The following PGM1 variants were observed in gnomAD, a reference collection of about 807,000 sequenced individuals.
The protein encoded by PGM1 is phosphoglucomutase-1.
PGM1 carries 52 observed loss-of-function variants against 55.6 expected under a neutral mutation model. The observed-to-expected ratio is 0.94, with a 90% CI of 0.75 to 1.18. PGM1 has a LOEUF of 1.18. PGM1 is among the 50% of genes most tolerant of loss of function. The pLI is 0.00. For synonymous variants in PGM1, 287 were observed against 271.7 expected, an observed-to-expected ratio of 1.06 and a Z score of -0.55; for missense variants, 724 against 729.3, an observed-to-expected ratio of 0.99 and a Z score of 0.08.
At position 63,634,910 on chromosome 1, in the gene PGM1, A is replaced by T; in HGVS notation, c.764A>T (p.Glu255Val). 1 of 1,613,774 alleles carries T rather than the reference A, an allele frequency of 6.2e-7. No homozygotes were observed. Among genetic ancestry groups the T allele is most frequent in the Non-Finnish European group, 8.5e-7 (1 of 1,179,910 alleles). ...ANSAVNCVPL[E>V]DFGGHHPDPN... ...TCGGCAGTTAACTGCGTTCCTCTGG[A>T]GGACTTTGGAGGCCACCACCCTGAC... is the stretch of plus-strand genomic sequence containing the variant. The change falls in exon 5 of 11, where the codon GAG (glutamate) becomes GTG (valine). Residue 255 changes from glutamate (E) to valine (V), a missense_variant. Around this residue, in one of 3 missense-constraint regions of PGM1, gnomAD observed 379 missense variants for 357.5 expected, o/e 1.06. Transcript: ENST00000371084.
intron 1 of PGM1, 50 bp from the exon 2 acceptor site, chr1:63,629,375 A>G: frequency 6.6e-7 from 1 of 1,515,074 alleles, no homozygotes; most frequent in Non-Finnish European, 9.2e-7. Context: ...CTGAGCGGTG[A>G]CTCTGGATGT....
At chr1:63,648,717 A>T (rs1649724433) in intron 8 of PGM1, 65 bp downstream of exon 8, 1 of 1,540,360 alleles carries the variant, frequency 6.5e-7, no homozygotes, top group Non-Finnish European at 8.9e-7. Flanking sequence ...ATTCTTGCGC[A>T]TCCACAGCCT....
chr1:63,655,689 G>A (rs531579381), intron 10 of PGM1: 1 of 152,316 alleles, frequency 6.6e-6, no homozygotes, highest in Admixed American at 6.5e-5. Context: ...AAGTGTTGTG[G>A]TATATTAGCC....
At position 63,629,539 on chromosome 1, in the gene PGM1, G is replaced by A. The variant is rs398122912; in HGVS notation, c.361G>A (p.Gly121Arg). 1 of 1,613,600 alleles carries A rather than the reference G, an allele frequency of 6.2e-7. No homozygotes were observed. Among genetic ancestry groups the A allele is most frequent in the South Asian group, 1.1e-5 (1 of 91,056 alleles). ...CATTCTGACAGCCAGTCACAACCCAGGGGGCCCCAATGGAGATTTTGGAAT... is the reference window on the plus strand; with the variant it reads ...CATTCTGACAGCCAGTCACAACCCAAGGGGCCCCAATGGAGATTTTGGAAT... Reference protein sequence around the residue: ...GIILTASHNPGGPNGDFGIKF... With the variant: ...GIILTASHNPRGPNGDFGIKF... The change falls in exon 2 of 11, where the codon GGG becomes AGG. Residue 121 changes from glycine (G) to arginine (R), a missense_variant. This residue lies in a region of PGM1 where 379 missense variants were observed against 357.5 expected (regional missense o/e 1.06). Coordinates refer to ENST00000371084, the MANE Select transcript of PGM1 (RefSeq NM_002633.3).
chr1:63,652,438 C>G (rs925570290), intron 9 of PGM1, among the ~76,000 whole-genome samples: 1 of 152,176 alleles, frequency 6.6e-6, no homozygotes, highest in Non-Finnish European at 1.5e-5. Flanking sequence ...TGGAGCATCT[C>G]TAGATGTGGA....
rs549059285 is a variant in PGM1, at chr1:63,608,148, G to A, written c.246+14414G>A. On this transcript the variant is annotated intron_variant, in intron 1 of 10. Transcript: ENST00000371084. ...TAATTGAGATGAATGTACTCAACTG[G>A]CATAACTGTTTAAAGGGAGTTACTG... 5.9e-5 allele frequency among the ~76,000 whole-genome samples: 9 copies of A among 151,572 alleles called. No homozygotes were observed. In the East Asian group the frequency reaches 1.7e-3, roughly 29 times the overall value.
At chr1:63,621,253 T>C (rs746954591) in intron 1 of PGM1, among the ~76,000 whole-genome samples, 5 of 151,960 alleles carry the variant, frequency 3.3e-5, no homozygotes, top group Non-Finnish European at 5.9e-5. Flanking sequence ...CAGAAAGAAC[T>C]TCACCGAGAG....
Position 63,593,513 on chromosome 1 carries a change from A to T in PGM1, c.25A>T (p.Thr9Ser). MVKIVTVK[T>S]QAYQDQKPGT... The stretch of plus-strand genomic sequence containing the variant: ...CATGGTGAAGATCGTGACAGTTAAG[A>T]CCCAGGCGTACCAGGACCAGAAGCC... Residue 9 changes from threonine (T) to serine (S), a missense_variant, in exon 1 of 11, where the codon ACC becomes TCC. Thr to Ser is a moderately conservative substitution (Grantham distance 58, BLOSUM62 1). This residue lies in a region of PGM1 where 379 missense variants were observed against 357.5 expected (regional missense o/e 1.06). Coordinates refer to ENST00000371084, the MANE Select transcript of PGM1 (RefSeq NM_002633.3). 1 of 1,613,738 alleles carries T rather than the reference A, an allele frequency of 6.2e-7. No homozygotes were observed. The highest frequency in any genetic ancestry group is 8.5e-7 in the Non-Finnish European group (1 of 1,179,896).
In PGM1 at chr1:63,629,942, G is replaced by T; in HGVS notation, c.410G>T (p.Gly137Val). 1 of 1,613,994 alleles carries T rather than the reference G, an allele frequency of 6.2e-7. No individual in the cohort carries two copies. Among genetic ancestry groups the T allele is most frequent in the Non-Finnish European group, 8.5e-7 (1 of 1,179,924 alleles). ...FGIKFNISNGGPAPEAITDKI... is the reference protein window; with the variant it reads ...FGIKFNISNGVPAPEAITDKI... ...CCACTGTTTGCTGTTTGGTTTCCAG[G>T]TCCTGCTCCAGAAGCAATAACTGAT... Residue 137 changes from glycine to valine, a missense_variant and splice_region_variant, in exon 3 of 11, where the codon GGT becomes GTT. By Grantham distance (109) the Gly-to-Val change is moderately radical (BLOSUM62 -3). Around this residue, in one of 3 missense-constraint regions of PGM1, gnomAD observed 379 missense variants for 357.5 expected, o/e 1.06. Transcript: ENST00000371084.
chr1:63,658,752 CAA>C (rs35160588), intron 10 of PGM1, among the ~76,000 whole-genome samples: 158 of 119,472 alleles, frequency 1.3e-3, no homozygotes, highest in African/African-American at 2.1e-3. Flanking sequence ...AACTCCATCT[CAA>C]AAAAAAAAAA....
intron 4 of PGM1, among the ~76,000 whole-genome samples, chr1:63,633,918 G>GTGTGTA (rs1407304546): frequency 4.9e-4 from 13 of 26,756 alleles, no homozygotes; most frequent in Non-Finnish European, 7.1e-4. Context: ...GTGTGTGTGT[G>GTGTGTA]TATATATATA....
rs775453982 is a variant in PGM1, at chr1:63,659,600, C to T, written c.1614C>T (p.Pro538=). 53 of 1,613,698 alleles carry T rather than the reference C, an allele frequency of 3.3e-5. No homozygotes were observed. The Middle Eastern group carries it at 8.2e-4, about 25-fold the overall frequency. ...INQDPQVMLA[P]LISIALKVSQ... ...GTCTTCCTCAGGTCATGTTGGCCCC[C>T]CTTATTTCCATTGCTCTGAAAGTGT... is the stretch of plus-strand genomic sequence containing the variant. Residue 538 remains proline, a synonymous_variant, in exon 11 of 11, where the codon CCC becomes CCT. Coordinates refer to ENST00000371084, the MANE Select transcript of PGM1 (RefSeq NM_002633.3).
At chr1:63,606,619 A>G (rs1302671528) in intron 1 of PGM1, among the ~76,000 whole-genome samples, 1 of 152,194 alleles carries the variant, frequency 6.6e-6, no homozygotes, top group Non-Finnish European at 1.5e-5. Flanking sequence ...CGCATTAATC[A>G]AAACTTAGCT....
chr1:63,629,691 G>GGGGTA (rs1649141666), intron 2 of PGM1, 104 bp downstream of exon 2: 1 of 1,157,132 alleles, frequency 8.6e-7, no homozygotes, highest in Admixed American at 1.8e-5. Flanking sequence ...TCCTTTGCAG[G>GGGGTA]GGGTAGGGAG....
chr1:63,613,762 T>C (rs1648632589), intron 1 of PGM1, among the ~76,000 whole-genome samples: 1 of 150,394 alleles, frequency 6.6e-6, no homozygotes, highest in Non-Finnish European at 1.5e-5. Flanking sequence ...CCATGACATC[T>C]ATACTCTGTC....
At chr1:63,654,847 C>G (rs1649917112) in intron 10 of PGM1, among the ~76,000 whole-genome samples, 3 of 152,042 alleles carry the variant, frequency 2.0e-5, no homozygotes. Context: ...AAAATATACT[C>G]ATTTAATTCT....
At chr1:63,616,645 T>C (rs988426730) in intron 1 of PGM1, among the ~76,000 whole-genome samples, 1 of 152,128 alleles carries the variant, frequency 6.6e-6, no homozygotes, top group African/African-American at 2.4e-5. Flanking sequence ...GATGGATGGG[T>C]GAACAGATGG....
intron 1 of PGM1, among the ~76,000 whole-genome samples, chr1:63,622,690 G>C (rs1427237946): frequency 1.3e-5 from 2 of 152,150 alleles, no homozygotes; most frequent in African/African-American, 4.8e-5. Context: ...TGGTTATTCA[G>C]GGCAACTTTG....
At chr1:63,611,809 A>G (rs926452608) in intron 1 of PGM1, among the ~76,000 whole-genome samples, 4 of 152,156 alleles carry the variant, frequency 2.6e-5, no homozygotes, top group Non-Finnish European at 5.9e-5. Context: ...AGGCTGAGGC[A>G]GGAGAATCGC....
Sources: allele counts gnomAD v4.1 joint callset (sites outside exome capture counted in the v4.1 genomes callset), GRCh38; gene constraint gnomAD v4.1.1; regional missense constraint gnomAD v4.1.1; transcripts MANE v1.5; gene names NCBI Gene and HGNC (gene_info 2026-07-23, HGNC 2026-07-21).